ACOT7: variants seen among roughly 807,000 people sequenced by gnomAD.
The protein encoded by ACOT7 is acyl-CoA thioesterase 7, also known as cytosolic acyl coenzyme A thioester hydrolase.
ACOT7 carries 12 observed loss-of-function variants against 40.2 expected under a neutral mutation model. The observed-to-expected ratio is 0.30, with a 90% CI of 0.19 to 0.48. The LOEUF is 0.48. Ranked by LOEUF, ACOT7 falls within the 20% of genes least tolerant of loss-of-function variation. ACOT7 has a pLI of 0.99. For missense variants in ACOT7, 395 were observed against 530.8 expected (o/e 0.74, Z 2.51); for synonymous variants, 228 against 219.5 (o/e 1.04, Z -0.34).
At chr1:6,373,222 C>T (rs1233238527) in intron 1 of ACOT7, among the ~76,000 whole-genome samples, 1 of 151,834 alleles carries the variant, frequency 6.6e-6, no homozygotes, top group Non-Finnish European at 1.5e-5. Context: ...AAAAATGGTG[C>T]CAATAGACTT....
At chr1:6,332,743 C>T (rs1398216099) in intron 4 of ACOT7, among the ~76,000 whole-genome samples, 1 of 151,790 alleles carries the variant, frequency 6.6e-6, no homozygotes, top group African/African-American at 2.4e-5. Context: ...ATGGCGTGAA[C>T]GTGGGAGGCG....
rs1641726453 is a variant in ACOT7 at position 6,355,785 on chromosome 1, C to T, written c.144-5919G>A. Among the ~76,000 whole-genome samples the T allele has an allele frequency of 6.6e-6, 1 of 152,232 alleles. No individual in the cohort carries two copies. The highest frequency in any genetic ancestry group is 2.4e-5 in the African/African-American group (1 of 41,460). On this transcript the variant is annotated intron_variant, in intron 1 of 8. Coordinates refer to ENST00000361521, the MANE Select transcript of ACOT7 (RefSeq NM_007274.4). The surrounding 1 kb of genome is among the most constrained non-coding windows in gnomAD (Gnocchi z 5.0). ...ATCCCAAGAGCGCCTACAGCAGCGG[C>T]CCTGGGGTCCAGCCCACATCCTCGC...
intron 2 of ACOT7, among the ~76,000 whole-genome samples, chr1:6,345,131 G>A (rs1366055704): frequency 6.6e-6 from 1 of 152,210 alleles, no homozygotes; most frequent in Non-Finnish European, 1.5e-5. Context: ...TGCCTCGGAT[G>A]AGCCCCACAC....
intron 8 of ACOT7, among the ~76,000 whole-genome samples, chr1:6,280,890 G>A (rs537547402): frequency 1.3e-5 from 2 of 152,168 alleles, no homozygotes; most frequent in South Asian, 2.1e-4. Context: ...AGGCCTACCC[G>A]CTGGTTATGA....
Position 6,385,660 on chromosome 1 carries a change from G to A in ACOT7, c.143+7597C>T, listed in dbSNP as rs542134906. 5.3e-5 allele frequency: 86 copies of A among 1,611,740 alleles called. No individual in the cohort carries two copies. In the South Asian group the frequency reaches 9.2e-4, roughly 17 times the overall value. ...CAGAGCCGGAGAGCCCTGGCAAGCA[G>A]CTTCATCCTGCGGTAAGTGGGCAAA... On this transcript the variant is annotated intron_variant, in intron 1 of 8. Transcript: ENST00000361521.
chr1:6,316,419 G>T (rs1640496489), intron 6 of ACOT7, among the ~76,000 whole-genome samples: 2 of 152,252 alleles, frequency 1.3e-5, no homozygotes, highest in South Asian at 4.1e-4. Flanking sequence ...CAAGACCATA[G>T]TTAATCAGAT....
intron 8 of ACOT7, 76 bp downstream of exon 8, chr1:6,281,026 C>A: frequency 6.5e-7 from 1 of 1,535,784 alleles, no homozygotes; most frequent in South Asian, 1.2e-5. Context: ...GCACAGATTC[C>A]CCCTGGAGGC....
chr1:6,313,325 C>A (rs905206653), intron 6 of ACOT7, among the ~76,000 whole-genome samples: 2 of 152,194 alleles, frequency 1.3e-5, no homozygotes, highest in African/African-American at 4.8e-5. Context: ...AGCAGACAGG[C>A]AGAGGTTGCG....
chr1:6,393,532 G>C lies in ACOT7; in HGVS notation c.-133C>G. On this transcript the variant is annotated 5_prime_UTR_variant, in exon 1 of 9. Coordinates refer to ENST00000361521, the MANE Select transcript of ACOT7 (RefSeq NM_007274.4). ...CACCCCGAGCCCCGCCTCCCAGGCC[G>C]CCAAGGCTGCAGAGAGCTCGCGCGG... 1.2e-6 allele frequency: 1 copy of C among 815,416 alleles called. No individual in the cohort carries two copies. Among genetic ancestry groups the C allele is most frequent in the Non-Finnish European group, 1.6e-6 (1 of 619,378 alleles). 50.5% of individuals were successfully genotyped at this position (815,416 alleles called of 1,614,324 possible).
rs1247886609 is a variant in ACOT7, at chr1:6,275,748, C to T, written c.1014+5354G>A. Among the ~76,000 whole-genome samples the T allele has an allele frequency of 2.0e-5, 3 of 151,148 alleles. No homozygotes were observed. The highest frequency in any genetic ancestry group is 2.1e-4 in the South Asian group (1 of 4,774). On this transcript the variant is annotated intron_variant, in intron 8 of 8. Coordinates refer to ENST00000361521, the MANE Select transcript of ACOT7 (RefSeq NM_007274.4). This position sits in a 1 kb window ranked among gnomAD's most constrained non-coding sequence, Gnocchi z 5.6. ...AAAAAAAAAAAAAAAAAAAGATGGC[C>T]GCACCTGCCTTCATTACTGCCTCCC... is the stretch of plus-strand genomic sequence containing the variant.
At chr1:6,313,330 G>A (rs1053566890) in intron 6 of ACOT7, among the ~76,000 whole-genome samples, 5 of 152,206 alleles carry the variant, frequency 3.3e-5, no homozygotes, top group Non-Finnish European at 7.3e-5. Flanking sequence ...ACAGGCAGAG[G>A]TTGCGGCCAG....
intron 1 of ACOT7, among the ~76,000 whole-genome samples, chr1:6,387,274 G>A (rs1020890933): frequency 2.1e-4 from 32 of 152,114 alleles, no homozygotes; most frequent in Admixed American, 2.6e-4. Context: ...CAAACTGTAC[G>A]TTTCAAATAT....
chr1:6,266,819 G>A (rs1053745930), intron 8 of ACOT7, among the ~76,000 whole-genome samples: 2 of 152,270 alleles, frequency 1.3e-5, no homozygotes, highest in Non-Finnish European at 2.9e-5. Context: ...AGCAGGCAGA[G>A]CAAGAGCTGT....
intron 1 of ACOT7, among the ~76,000 whole-genome samples, chr1:6,362,526 G>A (rs1236847778): frequency 6.6e-6 from 1 of 151,528 alleles, no homozygotes; most frequent in Non-Finnish European, 1.5e-5. Context: ...TAGAAAGAAG[G>A]TAGGAAATGA....
At chr1:6,280,928 T>G (rs2148378703) in intron 8 of ACOT7, among the ~76,000 whole-genome samples, 174 bp downstream of exon 8, 1 of 152,162 alleles carries the variant, frequency 6.6e-6, no homozygotes, top group African/African-American at 2.4e-5. Flanking sequence ...CCTCACCGGA[T>G]CAGCCCCGCA....
chr1:6,293,300 C>T (rs1326991716), intron 7 of ACOT7, among the ~76,000 whole-genome samples: 1 of 152,196 alleles, frequency 6.6e-6, no homozygotes, highest in Non-Finnish European at 1.5e-5. Context: ...CCGTCTTTCA[C>T]AAGGTCACCC....
intron 2 of ACOT7, among the ~76,000 whole-genome samples, chr1:6,346,936 G>A (rs1641442578): frequency 6.6e-6 from 1 of 152,166 alleles, no homozygotes; most frequent in Non-Finnish European, 1.5e-5. Flanking sequence ...ACCATTTACT[G>A]AGGGGAGGGA....
chr1:6,365,570 C>T (rs201232341), intron 1 of ACOT7, among the ~76,000 whole-genome samples: 2 of 151,934 alleles, frequency 1.3e-5, no homozygotes. Context: ...GAGATCGAGA[C>T]CATCCTGGCT....
At chr1:6,279,742 C>T (rs577834827) in intron 8 of ACOT7, among the ~76,000 whole-genome samples, 35 of 152,304 alleles carry the variant, frequency 2.3e-4, no homozygotes, top group African/African-American at 8.2e-4. Flanking sequence ...GGAGGGTACT[C>T]GCTGGGCCTG....
Sources: allele counts gnomAD v4.1 joint callset (sites outside exome capture counted in the v4.1 genomes callset), GRCh38; gene constraint gnomAD v4.1.1; non-coding constraint Gnocchi (gnomAD v3.1); transcripts MANE v1.5; gene names NCBI Gene and HGNC (gene_info 2026-07-23, HGNC 2026-07-21).